TET2: variants seen among roughly 807,000 people sequenced by gnomAD.
The protein encoded by TET2 is methylcytosine dioxygenase TET2.
In TET2, 299 loss-of-function variants were observed where a neutral mutation model predicts 142.9. The ratio of observed to expected loss-of-function variants is 2.09; its 90% CI spans 1.90 to 2.30. The LOEUF (loss-of-function observed/expected upper bound fraction) is 2.30, where lower values mean the gene tolerates loss of function less well. Among genes scored for constraint, TET2 ranks in the 30% most tolerant of loss-of-function variants. The probability of loss-of-function intolerance (pLI) is 0.00; values close to 1 mark genes in which losing one functional copy is unlikely to be tolerated. For missense variants in TET2, 2,418 were observed against 2,378.0 expected, an observed-to-expected ratio of 1.02 and a Z score of -0.35; for synonymous variants, 819 against 849.0, an observed-to-expected ratio of 0.96 and a Z score of 0.61.
intron 1 of TET2, among the ~76,000 whole-genome samples, chr4:105,159,369 CCTCAGA>C (rs1224344123): frequency 6.6e-6 from 1 of 151,628 alleles, no homozygotes; most frequent in Non-Finnish European, 1.5e-5. Context: ...GATTCTCCAG[CCTCAGA>C]CACCCAAGTA....
rs201016703 is a variant in TET2, at chr4:105,183,767, C to T, written c.-192-6593C>T. On this transcript the variant is annotated intron_variant, in intron 1 of 10. Transcript: ENST00000380013. ...AGAATTATTGCCCTGTAGTCAGCCG[C>T]GCAAATACAATCACAAATACCTGAA... Among the ~76,000 whole-genome samples the T allele has an allele frequency of 1.2e-4, 19 of 152,198 alleles. No individual in the cohort carries two copies. In the East Asian group the frequency reaches 1.5e-3, roughly 12 times the overall value.
rs1015239254 is a variant in TET2, at chr4:105,259,788, G to A, written c.3954+19G>A. 7 of 1,545,620 alleles carry A rather than the reference G, an allele frequency of 4.5e-6. No homozygotes were observed. Among genetic ancestry groups the A allele is most frequent in the Admixed American group, 4.0e-5 (2 of 50,248 alleles). Reference sequence around the variant, plus strand: ...AAAAGAGGTTTGTTTACTTCCTGATGTATAATCGCTTTATTTTTCATAGAG... The same window carrying A: ...AAAAGAGGTTTGTTTACTTCCTGATATATAATCGCTTTATTTTTCATAGAG... On this transcript the variant is annotated intron_variant, in intron 7 of 10. Coordinates refer to ENST00000380013, the MANE Select transcript of TET2 (RefSeq NM_001127208.3).
chr4:105,240,286 C>T (rs1308739251), intron 3 of TET2: 2 of 1,007,684 alleles, frequency 2.0e-6, no homozygotes, highest in Non-Finnish European at 2.4e-6. Flanking sequence ...CTGTGACTCA[C>T]AAAAGAACAA....
At chr4:105,152,733 A>T (rs1578526514) in intron 1 of TET2, among the ~76,000 whole-genome samples, 1 of 151,200 alleles carries the variant, frequency 6.6e-6, no homozygotes, top group African/African-American at 2.4e-5. Flanking sequence ...AGTAGCTGGG[A>T]CTAGGAGCGT....
At chr4:105,201,974 C>T (rs1283044380) in intron 2 of TET2, among the ~76,000 whole-genome samples, 1 of 151,874 alleles carries the variant, frequency 6.6e-6, no homozygotes, top group Non-Finnish European at 1.5e-5. Flanking sequence ...AACTCCTGGC[C>T]TCAAGCAATC....
intron 8 of TET2, among the ~76,000 whole-genome samples, chr4:105,267,864 A>G (rs576638178): frequency 6.6e-6 from 1 of 152,204 alleles, no homozygotes; most frequent in Non-Finnish European, 1.5e-5. Flanking sequence ...ACAGGAAAAA[A>G]TATGATTATT....
In TET2 at chr4:105,236,560, TC is replaced by T. The variant is rs1560546351; in HGVS notation, c.2621del (p.Pro874GlnfsTer47). On this transcript the variant is annotated frameshift_variant, in exon 3 of 11. Transcript: ENST00000380013. LOFTEE classifies it high-confidence loss of function. The stretch of plus-strand genomic sequence containing the variant: ...ATGCAATATTTTCCAAATAATGTGA[TC>T]CCAAAGCAAGATCTTCTTCACAGGT... ...HHMQYFPNNVIPKQDLLHRCF... is the reference protein window; with the variant it reads ...HHMQYFPNNVXPKQDLLHRCF... 1.2e-6 allele frequency: 2 copies of T among 1,614,072 alleles called. No homozygotes were observed. Among genetic ancestry groups the T allele is most frequent in the Non-Finnish European group, 1.7e-6 (2 of 1,180,016 alleles).
At position 105,279,732 on chromosome 4, in the gene TET2, A is replaced by T. The variant is rs1030581353; in HGVS notation, c.*3213A>T. The T allele has an allele frequency of 1.8e-5, 4 of 225,416 alleles. No individual in the cohort carries two copies. Among genetic ancestry groups the T allele is most frequent in the African/African-American group, 6.7e-5 (3 of 44,910 alleles). The allele number at this position is 225,416 out of a possible 1,614,324, so 14.0% of individuals were successfully genotyped here. A position where few individuals can be genotyped will look rare whatever the true frequency, so the allele number is the denominator to read the frequency against. On this transcript the variant is annotated 3_prime_UTR_variant, in exon 11 of 11. Transcript: ENST00000380013. ...AATGCAGGTTATTTGAAAGCTGTTT[A>T]TTATTATATCATTCCTGATAATGCT...
chr4:105,226,849 C>G (rs1415191856), intron 2 of TET2, among the ~76,000 whole-genome samples: 1 of 152,100 alleles, frequency 6.6e-6, no homozygotes, highest in Non-Finnish European at 1.5e-5. Context: ...TATAGCAACT[C>G]AAAAACAGCC....
At chr4:105,190,574 C>T in intron 2 of TET2, 69 bp downstream of exon 2, 2 of 676,136 alleles carry the variant, frequency 3.0e-6, no homozygotes, top group Non-Finnish European at 5.4e-6. Context: ...ATGGTAATCT[C>T]TCTCCCAAAC....
chr4:105,248,739 C>T (rs1729708582), intron 6 of TET2, among the ~76,000 whole-genome samples: 1 of 152,078 alleles, frequency 6.6e-6, no homozygotes, highest in African/African-American at 2.4e-5. Flanking sequence ...CAAATGTCAC[C>T]TCTACCTAGT....
chr4:105,269,944 G>A (rs1730872314), intron 9 of TET2, among the ~76,000 whole-genome samples, 197 bp downstream of exon 9: 1 of 152,226 alleles, frequency 6.6e-6, no homozygotes, highest in South Asian at 2.1e-4. Flanking sequence ...GCAGGCAAGA[G>A]AACATGTGCA....
intron 1 of TET2, chr4:105,172,583 A>T (rs1013866534): frequency 2.0e-5 from 3 of 152,168 alleles, no homozygotes; most frequent in African/African-American, 7.2e-5. Context: ...TCAAACCTGT[A>T]TTTTAAGGTC....
chr4:105,258,581 G>T (rs1730259150), intron 6 of TET2, among the ~76,000 whole-genome samples: 1 of 152,010 alleles, frequency 6.6e-6, no homozygotes, highest in Non-Finnish European at 1.5e-5. Flanking sequence ...TTATTTTTTA[G>T]AAAGAAAATC....
intron 6 of TET2, among the ~76,000 whole-genome samples, chr4:105,244,625 C>T (rs555664241): frequency 7.5e-4 from 68 of 91,130 alleles, no homozygotes; most frequent in African/African-American, 1.8e-3. Context: ...GATGGAGTTT[C>T]GCTCTTGTTG....
chr4:105,190,648 A>G (rs2110481519), intron 2 of TET2, 143 bp downstream of exon 2: 10 of 564,248 alleles, frequency 1.8e-5, no homozygotes, highest in Non-Finnish European at 2.5e-5. Flanking sequence ...CTTAGGACAC[A>G]TGGATTAGAT....
intron 1 of TET2, among the ~76,000 whole-genome samples, chr4:105,147,221 C>G (rs1289120105): frequency 6.6e-6 from 1 of 152,254 alleles, no homozygotes; most frequent in Non-Finnish European, 1.5e-5. Flanking sequence ...TGCTCGTCCC[C>G]TCATCTCCCA....
rs533946848 is a variant in TET2, at chr4:105,221,262, T to C, written c.-46-12635T>C. 1.4e-3 allele frequency among the ~76,000 whole-genome samples: 206 copies of C among 152,216 alleles called. 1 individual carries two copies. The Middle Eastern group carries it at 0.014, about 10-fold the overall frequency. On this transcript the variant is annotated intron_variant, in intron 2 of 10. Coordinates refer to ENST00000380013, the MANE Select transcript of TET2 (RefSeq NM_001127208.3). ...TAACAGATAAGTGGATAATAGAGAATTGACAAAAGATCATGCTCATTTTAC... is the reference window on the plus strand; with the variant it reads ...TAACAGATAAGTGGATAATAGAGAACTGACAAAAGATCATGCTCATTTTAC...
intron 2 of TET2, among the ~76,000 whole-genome samples, chr4:105,199,250 G>T (rs974892498): frequency 1.3e-5 from 2 of 152,014 alleles, no homozygotes; most frequent in African/African-American, 4.8e-5. Context: ...TCTTCTAATT[G>T]CCTGGATACT....
Sources: allele counts gnomAD v4.1 joint callset (sites outside exome capture counted in the v4.1 genomes callset), GRCh38; gene constraint gnomAD v4.1.1; transcripts MANE v1.5; gene names NCBI Gene and HGNC (gene_info 2026-07-23, HGNC 2026-07-21).